The following PSG4 variants were observed in gnomAD, a reference collection of about 807,000 sequenced individuals.
The protein encoded by PSG4 is pregnancy-specific beta-1-glycoprotein 4.
A neutral mutation model predicts 44.3 loss-of-function variants in PSG4; 61 were observed. That is an observed-to-expected ratio of 1.38 (90% CI 1.12 to 1.70). PSG4 has a LOEUF of 1.70. Among genes scored for constraint, PSG4 ranks in the 40% most tolerant of loss-of-function variants. PSG4 has a pLI of 0.00. For synonymous variants in PSG4, 248 were observed against 191.3 expected (o/e 1.30, Z -2.45); for missense variants, 677 against 511.7 (o/e 1.32, Z -3.12).
chr19:43,196,562 C>A (rs969795708), intron 3 of PSG4: 9 of 151,502 alleles, frequency 5.9e-5, no homozygotes, highest in African/African-American at 2.2e-4. Flanking sequence ...CTTCAGTGAG[C>A]ATTTCTTTTC....
At chr19:43,196,861 T>C (rs1237964904) in intron 3 of PSG4, 1 of 146,436 alleles carries the variant, frequency 6.8e-6, no homozygotes, top group Admixed American at 6.8e-5. Context: ...AGTTTTATAA[T>C]TCTGCAAAAA....
intron 2 of PSG4, among the ~76,000 whole-genome samples, chr19:43,202,884 G>T (rs1476864507): frequency 1.4e-5 from 2 of 144,574 alleles, no homozygotes; most frequent in Admixed American, 1.4e-4. Context: ...CCTCACTTCT[G>T]GTGGAGGAGA....
In PSG4 at chr19:43,201,955, G is replaced by C. The variant is rs1017223300; in HGVS notation, c.430+1931C>G. ...CACAAAGGGAAAGAGCCCTTGAAGG[G>C]AATACAGTAGAAGCTCATTCTCTTA... On this transcript the variant is annotated intron_variant, in intron 2 of 5. Coordinates refer to ENST00000405312, the MANE Select transcript of PSG4 (RefSeq NM_002780.5). 1.2e-4 allele frequency among the ~76,000 whole-genome samples: 17 copies of C among 144,134 alleles called. 2 individuals are homozygous for C. Among genetic ancestry groups the C allele is most frequent in the African/African-American group, 4.6e-4 (17 of 36,936 alleles). The allele number at this position is 144,134 out of a possible 152,430, so 94.6% of individuals were successfully genotyped here.
chr19:43,195,745 C>A (rs1967217910), intron 3 of PSG4, among the ~76,000 whole-genome samples: 1 of 150,772 alleles, frequency 6.6e-6, no homozygotes, highest in Non-Finnish European at 1.5e-5. Context: ...GTCCTGAAAC[C>A]CTGAAGATAC....
At chr19:43,196,932 G>T (rs1443026528) in intron 3 of PSG4, 2 of 146,006 alleles carry the variant, frequency 1.4e-5, no homozygotes, top group African/African-American at 5.2e-5. Context: ...GGGTAGTATT[G>T]TCTTTCTAAC....
chr19:43,201,133 A>G lies in PSG4; in HGVS notation c.430+2753T>C, dbSNP rs768631111. Among the ~76,000 whole-genome samples the G allele has an allele frequency of 2.7e-5, 4 of 145,638 alleles. 1 individual carries two copies. The highest frequency in any genetic ancestry group is 2.4e-4 in the East Asian group (1 of 4,240). ...ATTACAGCAGTGACAGCAAACTAGC[A>G]TGTCTGAGTCCATCTGGCATCTAGT... On this transcript the variant is annotated intron_variant, in intron 2 of 5. Transcript: ENST00000405312.
chr19:43,202,461 A>G (rs575605808), intron 2 of PSG4, among the ~76,000 whole-genome samples: 6 of 144,776 alleles, frequency 4.1e-5, no homozygotes, highest in East Asian at 2.4e-4. Context: ...AGAACCTCCT[A>G]TGATTCTGCA....
intron 2 of PSG4, among the ~76,000 whole-genome samples, chr19:43,201,105 A>G (rs1967490520): frequency 6.9e-6 from 1 of 145,480 alleles, no homozygotes; most frequent in African/African-American, 2.6e-5. Flanking sequence ...AGTCAGTGCA[A>G]AGATTACAGC....
intron 5 of PSG4, chr19:43,193,632 A>C (rs1016773769): frequency 4.9e-5 from 28 of 573,374 alleles, no homozygotes; most frequent in East Asian, 1.4e-4. Context: ...TTAGAATTTT[A>C]TTTGCTCTAA....
At position 43,205,077 on chromosome 19, in the gene PSG4, T is replaced by C. The variant is rs1265162732; in HGVS notation, c.64+396A>G. On this transcript the variant is annotated intron_variant, in intron 1 of 5. Coordinates refer to ENST00000405312, the MANE Select transcript of PSG4 (RefSeq NM_002780.5). ...ATCCAGGCTCCAACAGAGCCTTCTTTCCCTTTTCTTCTTTTTTCTTTTTTT... is the reference window on the plus strand; with the variant it reads ...ATCCAGGCTCCAACAGAGCCTTCTTCCCCTTTTCTTCTTTTTTCTTTTTTT... 9.1e-5 allele frequency: 18 copies of C among 198,312 alleles called. 3 individuals carry two copies. The highest frequency in any genetic ancestry group is 9.4e-6 in the Non-Finnish European group (1 of 105,830). 12.3% of individuals were successfully genotyped at this position (198,312 alleles called of 1,614,324 possible).
At chr19:43,195,793 A>G (rs1182655094) in intron 3 of PSG4, among the ~76,000 whole-genome samples, 3 of 150,524 alleles carry the variant, frequency 2.0e-5, no homozygotes, top group South Asian at 2.1e-4. Context: ...TTCAGCAGAA[A>G]TAACACAGGA....
chr19:43,201,182 T>G lies in PSG4; in HGVS notation c.430+2704A>C, dbSNP rs1461594737. 2.7e-5 allele frequency among the ~76,000 whole-genome samples: 4 copies of G among 145,844 alleles called. 2 individuals are homozygous for G. The highest frequency in any genetic ancestry group is 1.0e-4 in the African/African-American group (4 of 38,114). ...GTCTCAGGCTGGCTGTCCTCACTCG[T>G]TCCTGGGCATAGGCCAGGCTAACCT... On this transcript the variant is annotated intron_variant, in intron 2 of 5. Coordinates refer to ENST00000405312, the MANE Select transcript of PSG4 (RefSeq NM_002780.5).
rs374621539 is a variant in PSG4 at position 43,195,024 on chromosome 19, C to G, written c.959G>C (p.Arg320Pro). 13 of 1,611,892 alleles carry G rather than the reference C, an allele frequency of 8.1e-6. No homozygotes were observed. Among genetic ancestry groups the G allele is most frequent in the Non-Finnish European group, 9.3e-6 (11 of 1,179,044 alleles). Residue 320 changes from arginine to proline, a missense_variant, in exon 4 of 6, where the codon CGC (arginine) becomes CCC (proline). By Grantham distance (103) the Arg-to-Pro change is moderately radical. Transcript: ENST00000405312. Reference protein sequence around the residue: ...CEIRDRYGGIRSDPVTLNVLY... With the variant: ...CEIRDRYGGIPSDPVTLNVLY... ...GACATTCAGGGTGACTGGGTCACTG[C>G]GGATGCCACCATATCGGTCCCGTAT...
At chr19:43,202,584 C>T (rs62116511) in intron 2 of PSG4, among the ~76,000 whole-genome samples, 8,201 of 143,664 alleles carry the variant, frequency 0.057, 968 homozygotes, top group Non-Finnish European at 0.067. Context: ...TGTGCTGGTG[C>T]AGGGTGTGAG....
rs1331272583 is a variant in PSG4, at chr19:43,198,253, G to T, written c.453C>A (p.Ile151=). 5 of 1,587,000 alleles carry T rather than the reference G, an allele frequency of 3.2e-6. No individual in the cohort carries two copies. Among genetic ancestry groups the T allele is most frequent in the African/African-American group, 1.4e-5 (1 of 69,348 alleles). ...TLHLETPKPS[I]SSSNLNPREA... is the part of the protein sequence containing the mutation. ...CCCTGGGATTTAAGTTGCTGCTGGA[G>T]ATGGAGGGCTTGGGAGTCTCCACTG... Residue 151 remains isoleucine, a synonymous_variant, in exon 3 of 6, where the codon ATC becomes ATA. Transcript: ENST00000405312.
Position 43,204,447 on chromosome 19 carries a change from A to T in PSG4, c.65-196T>A, listed in dbSNP as rs189750513. ...CCACTAGGTCAAGATCAGCAGCATG[A>T]CCCCCATTCCTTCAACACTTCTGAC... On this transcript the variant is annotated intron_variant, in intron 1 of 5. Transcript: ENST00000405312. 321 of 791,044 alleles carry T rather than the reference A, an allele frequency of 4.1e-4. 71 individuals carry two copies. In the East Asian group the frequency reaches 0.011, roughly 28 times the overall value. The allele number at this position is 791,044 out of a possible 1,614,324, so 49.0% of individuals were successfully genotyped here. A position where few individuals can be genotyped will look rare whatever the true frequency, so the allele number is the denominator to read the frequency against.
chr19:43,197,540 A>C (rs10405799), intron 3 of PSG4, among the ~76,000 whole-genome samples: 84,736 of 135,302 alleles, frequency 0.63, 29,759 homozygotes, highest in East Asian at 0.87. Context: ...AGATTGGGGA[A>C]TTCCCCTGTA....
At chr19:43,202,372 G>T (rs1177076215) in intron 2 of PSG4, among the ~76,000 whole-genome samples, 2 of 144,484 alleles carry the variant, frequency 1.4e-5, no homozygotes, top group Non-Finnish European at 3.0e-5. Flanking sequence ...ACATGAGGTG[G>T]GGTGGCTTTA....
At chr19:43,202,335 C>A (rs1967552407) in intron 2 of PSG4, among the ~76,000 whole-genome samples, 1 of 143,846 alleles carries the variant, frequency 7.0e-6, no homozygotes. Flanking sequence ...CCAGAGAACC[C>A]TCTGGTGGCC....
Sources: gnomAD v4.1 joint callset for allele counts (sites outside exome capture counted in the v4.1 genomes callset) on GRCh38, gnomAD v4.1.1 for gene constraint, MANE v1.5 for transcripts, NCBI Gene and HGNC (gene_info 2026-07-23, HGNC 2026-07-21) for gene names.